The following UBE2G1 variants were observed in gnomAD, a reference collection of about 807,000 sequenced individuals.
UBE2G1 encodes ubiquitin-conjugating enzyme E2 G1.
In UBE2G1, 5 loss-of-function variants were observed where a neutral mutation model predicts 22.7. The observed-to-expected ratio is 0.22, with a 90% CI of 0.12 to 0.46. The LOEUF is 0.46. UBE2G1 is among the 20% of genes least tolerant of loss of function. The probability of loss-of-function intolerance (pLI) is 0.99; values close to 1 mark genes in which losing one functional copy is unlikely to be tolerated. For synonymous variants in UBE2G1, 74 were observed against 67.5 expected, an observed-to-expected ratio of 1.10 and a Z score of -0.47; for missense variants, 88 against 203.9, an observed-to-expected ratio of 0.43 and a Z score of 3.46.
At chr17:4,345,677 G>C (rs1969759750) in intron 1 of UBE2G1, 1 of 152,126 alleles carries the variant, frequency 6.6e-6, no homozygotes, top group Non-Finnish European at 1.5e-5. Context: ...GTACTCCATT[G>C]CATTTACTGA....
intron 5 of UBE2G1, among the ~76,000 whole-genome samples, chr17:4,275,870 C>T (rs1968815546): frequency 6.6e-6 from 1 of 152,172 alleles, no homozygotes; most frequent in Non-Finnish European, 1.5e-5. Context: ...ACTTTTTCCC[C>T]CACACTGGGA....
intron 3 of UBE2G1, among the ~76,000 whole-genome samples, chr17:4,295,415 C>A (rs1969098375): frequency 1.3e-5 from 2 of 152,212 alleles, no homozygotes; most frequent in Non-Finnish European, 2.9e-5. Context: ...CAGTTCCAGT[C>A]TCTCCTAATG....
intron 1 of UBE2G1, among the ~76,000 whole-genome samples, chr17:4,319,889 T>C (rs562744557): frequency 1.3e-5 from 2 of 152,120 alleles, no homozygotes; most frequent in African/African-American, 2.4e-5. Context: ...AAAACGCAGG[T>C]GAAAGGGACC....
At chr17:4,362,909 A>G (rs896099173) in intron 1 of UBE2G1, among the ~76,000 whole-genome samples, 5 of 151,924 alleles carry the variant, frequency 3.3e-5, no homozygotes, top group Non-Finnish European at 7.4e-5. Context: ...GATCACCTGA[A>G]GTCAGGAGTT....
At chr17:4,273,712 GA>G (rs1208226056) in intron 5 of UBE2G1, among the ~76,000 whole-genome samples, 18 of 137,252 alleles carry the variant, frequency 1.3e-4, no homozygotes, top group African/African-American at 4.8e-4. Context: ...TATGTGCTTT[GA>G]AAGGGGGGTG....
intron 1 of UBE2G1, among the ~76,000 whole-genome samples, chr17:4,332,709 C>A (rs575881112): frequency 1.3e-5 from 2 of 152,210 alleles, no homozygotes; most frequent in South Asian, 4.1e-4. Flanking sequence ...CATCTCTCTC[C>A]AACCTTCAGC....
intron 4 of UBE2G1, among the ~76,000 whole-genome samples, chr17:4,284,834 C>CTTT (rs200271235): frequency 1.2e-5 from 1 of 83,490 alleles, no homozygotes; most frequent in African/African-American, 4.4e-5. Flanking sequence ...CTTTTCTTTT[C>CTTT]TTTCTTTTTT....
intron 5 of UBE2G1, among the ~76,000 whole-genome samples, chr17:4,279,966 C>T (rs1031806009): frequency 2.6e-5 from 4 of 151,490 alleles, no homozygotes; most frequent in African/African-American, 9.7e-5. Flanking sequence ...ACACATGAAA[C>T]GATATGCAAT....
chr17:4,321,803 C>A (rs1237199358), intron 1 of UBE2G1, among the ~76,000 whole-genome samples: 1 of 151,828 alleles, frequency 6.6e-6, no homozygotes, highest in East Asian at 1.9e-4. Context: ...GTTGCTATTA[C>A]TTAGAGTCTA....
rs915399336 is a variant in UBE2G1 at position 4,322,298 on chromosome 17, C to G, written c.47-15175G>C. ...GCCAGGTCCAATCCAAGATTTCTTC[C>G]AAAGGGGAACAACAGGTGTGATTAT... On this transcript the variant is annotated intron_variant, in intron 1 of 5. Coordinates refer to ENST00000396981, the MANE Select transcript of UBE2G1 (RefSeq NM_003342.5). Among the ~76,000 whole-genome samples the G allele has an allele frequency of 2.6e-5, 4 of 152,164 alleles. No homozygotes were observed. The South Asian group carries it at 8.3e-4, about 32-fold the overall frequency.
At chr17:4,329,025 G>GAAC (rs1969533994) in intron 1 of UBE2G1, among the ~76,000 whole-genome samples, 1 of 146,274 alleles carries the variant, frequency 6.8e-6, no homozygotes, top group Admixed American at 6.9e-5. Flanking sequence ...AGAATGGCGT[G>GAAC]AACCCGGGAG....
rs180711762 is a variant in UBE2G1, at chr17:4,355,545, G to A, written c.46+10726C>T. ...TAGTCCCAGCTACTTCTGAGGCTGA[G>A]GCGGGAGAATCGCTTGAACCTGGGA... On this transcript the variant is annotated intron_variant, in intron 1 of 5. Transcript: ENST00000396981. 9.1e-3 allele frequency among the ~76,000 whole-genome samples: 1,347 copies of A among 148,282 alleles called. 39 individuals are homozygous for A. Among genetic ancestry groups the A allele is most frequent in the Admixed American group, 0.056 (837 of 14,928 alleles).
chr17:4,314,034 C>T (rs1414269533), intron 1 of UBE2G1, among the ~76,000 whole-genome samples: 3 of 152,100 alleles, frequency 2.0e-5, no homozygotes, highest in African/African-American at 2.4e-5. Context: ...AAAGTAAAAA[C>T]GCTGCATTTC....
intron 3 of UBE2G1, among the ~76,000 whole-genome samples, chr17:4,289,792 T>C (rs1969012292): frequency 6.6e-6 from 1 of 152,244 alleles, no homozygotes; most frequent in South Asian, 2.1e-4. Context: ...CAACTGAGTT[T>C]CTATGTAATG....
chr17:4,354,120 TTAAA>T (rs911698382), intron 1 of UBE2G1, among the ~76,000 whole-genome samples: 4 of 152,168 alleles, frequency 2.6e-5, no homozygotes, highest in African/African-American at 9.7e-5. Context: ...TCCCTCAGCC[TTAAA>T]TATTTTCCTT....
rs573813531 is a variant in UBE2G1, at chr17:4,321,701, C to A, written c.47-14578G>T. On this transcript the variant is annotated intron_variant, in intron 1 of 5. Transcript: ENST00000396981. Reference sequence around the variant, plus strand: ...AGAGACAAGGTCTTCCTACGTTGCCCAGACTGGTCTTGAACTCCTGAGCTC... The same window carrying A: ...AGAGACAAGGTCTTCCTACGTTGCCAAGACTGGTCTTGAACTCCTGAGCTC... Among the ~76,000 whole-genome samples the A allele has an allele frequency of 1.8e-4, 28 of 152,158 alleles. No individual in the cohort carries two copies. The South Asian group carries it at 5.8e-3, about 32-fold the overall frequency.
At chr17:4,359,766 C>A (rs1969945450) in intron 1 of UBE2G1, among the ~76,000 whole-genome samples, 1 of 151,158 alleles carries the variant, frequency 6.6e-6, no homozygotes, top group Non-Finnish European at 1.5e-5. Flanking sequence ...GCAGGAGAAT[C>A]ACTTGAACCC....
intron 1 of UBE2G1, among the ~76,000 whole-genome samples, chr17:4,314,403 T>A (rs751470358): frequency 6.6e-6 from 1 of 152,196 alleles, no homozygotes; most frequent in Non-Finnish European, 1.5e-5. Flanking sequence ...AATATGCAAG[T>A]TTAAATCCAT....
chr17:4,328,653 T>G (rs1481331024), intron 1 of UBE2G1, among the ~76,000 whole-genome samples: 1 of 152,220 alleles, frequency 6.6e-6, no homozygotes, highest in East Asian at 1.9e-4. Flanking sequence ...AAAACAACCC[T>G]GAAGTTATTT....
Sources: gnomAD v4.1 joint callset for allele counts (sites outside exome capture counted in the v4.1 genomes callset) on GRCh38, gnomAD v4.1.1 for gene constraint, MANE v1.5 for transcripts, NCBI Gene and HGNC (gene_info 2026-07-23, HGNC 2026-07-21) for gene names.